ID2: variants seen among roughly 807,000 people sequenced by gnomAD.
ID2 encodes the protein DNA-binding protein inhibitor ID-2.
Under a neutral mutation model 8.3 loss-of-function variants are expected in ID2, and 2 were observed. The observed-to-expected ratio is 0.24, with a 90% CI of 0.10 to 0.76. The LOEUF is 0.76. ID2 is among the 30% of genes least tolerant of loss of function. The pLI is 0.73. For missense variants in ID2, 155 were observed against 167.0 expected (o/e 0.93, Z 0.40); for synonymous variants, 112 against 72.3 (o/e 1.55, Z -2.79).
Position 8,684,422 on chromosome 2 carries a change from A to G in ID2, c.*745A>G, listed in dbSNP as rs56050726. 5.9e-5 allele frequency: 9 copies of G among 152,356 alleles called. No individual in the cohort carries two copies. Among genetic ancestry groups the G allele is most frequent in the East Asian group, 1.9e-4 (1 of 5,172 alleles). The allele number at this position is 152,356 out of a possible 1,614,324, so 9.4% of individuals were successfully genotyped here. On this transcript the variant is annotated 3_prime_UTR_variant, in exon 3 of 3. Transcript: ENST00000396290. ...ACAAGTTCAAATTTATGTAGACTGT[A>G]TAAGATTATAATAAAACATGTCTGA...
Position 8,683,826 on chromosome 2 carries a change from A to C in ID2, c.*149A>C, listed in dbSNP as rs938086943. On this transcript the variant is annotated 3_prime_UTR_variant, in exon 3 of 3. Transcript: ENST00000396290. ...TTTTTAAAAAGAAAAAAAAAATGGA[A>C]GGAAAACTAAGAATGATCATCTTCC... 6.6e-6 allele frequency: 1 copy of C among 152,232 alleles called. No individual in the cohort carries two copies. Among genetic ancestry groups the C allele is most frequent in the Non-Finnish European group, 1.5e-5 (1 of 67,836 alleles). The allele number at this position is 152,232 out of a possible 1,614,324, so 9.4% of individuals were successfully genotyped here.
Position 8,682,747 on chromosome 2 carries a change from C to A in ID2, c.349-96C>A, listed in dbSNP as rs536056805. On this transcript the variant is annotated intron_variant, in intron 1 of 2. Transcript: ENST00000396290. ...CCATAAACGTGTTTAATGGAACTTG[C>A]TGGTCTGTGGACTACAAAAAAAAAA... 6 of 944,098 alleles carry A rather than the reference C, an allele frequency of 6.4e-6. No individual in the cohort carries two copies. The Admixed American group carries it at 1.2e-4, about 20-fold the overall frequency. The allele number at this position is 944,098 out of a possible 1,614,324, so 58.5% of individuals were successfully genotyped here.
rs1301353993 is a variant in ID2, at chr2:8,684,011, C to T, written c.*334C>T. ...ATTGCCCAATCTAAGCAGACTTTGC[C>T]TTTTTTCAAAGGTGGAGCGTGAATA... On this transcript the variant is annotated 3_prime_UTR_variant, in exon 3 of 3. Transcript: ENST00000396290. The T allele has an allele frequency of 6.6e-6, 1 of 152,410 alleles. No individual in the cohort carries two copies. The highest frequency in any genetic ancestry group is 1.5e-5 in the Non-Finnish European group (1 of 68,032). The allele number at this position is 152,410 out of a possible 1,614,324, so 9.4% of individuals were successfully genotyped here. A position where few individuals can be genotyped will look rare whatever the true frequency, so the allele number is the denominator to read the frequency against.
In ID2 at chr2:8,682,216, C is replaced by G. The variant is rs1173999536; in HGVS notation, c.51C>G (p.Asp17Glu). ...VRSVRKNSLS[D>E]HSLGISRSKT... The stretch of plus-strand genomic sequence containing the variant: ...CCGTTAGGAAAAACAGCCTGTCGGA[C>G]CACAGCCTGGGCATCTCCCGGAGCA... Residue 17 changes from aspartate to glutamate, a missense_variant, in exon 1 of 3, where the codon GAC becomes GAG. Coordinates refer to ENST00000396290, the MANE Select transcript of ID2 (RefSeq NM_002166.5). 1.9e-6 allele frequency: 3 copies of G among 1,613,906 alleles called. No homozygotes were observed. Among genetic ancestry groups the G allele is most frequent in the East Asian group, 2.2e-5 (1 of 44,888 alleles).
In ID2 at chr2:8,682,197, G is replaced by A. The variant is rs778965603; in HGVS notation, c.32G>A (p.Arg11Lys). The A allele has an allele frequency of 6.2e-7, 1 of 1,613,752 alleles. No homozygotes were observed. Among genetic ancestry groups the A allele is most frequent in the African/African-American group, 1.3e-5 (1 of 74,922 alleles). The change falls in exon 1 of 3, where the codon AGG (arginine) becomes AAG (lysine). Residue 11 changes from arginine to lysine, a missense_variant. By Grantham distance (26) the Arg-to-Lys change is conservative (BLOSUM62 2). Around this residue, in one of 3 missense-constraint regions of ID2, gnomAD observed 73 missense variants for 72.2 expected, o/e 1.01. Coordinates refer to ENST00000396290, the MANE Select transcript of ID2 (RefSeq NM_002166.5). Reference sequence around the variant, plus strand: ...GCCTTCAGTCCCGTGAGGTCCGTTAGGAAAAACAGCCTGTCGGACCACAGC... The same window carrying A: ...GCCTTCAGTCCCGTGAGGTCCGTTAAGAAAAACAGCCTGTCGGACCACAGC... MKAFSPVRSVRKNSLSDHSLG... is the reference protein window; with the variant it reads MKAFSPVRSVKKNSLSDHSLG...
In ID2 at chr2:8,682,480, C is replaced by T. The variant is rs775057112; in HGVS notation, c.315C>T (p.Thr105=). The T allele has an allele frequency of 2.5e-6, 4 of 1,613,288 alleles. No individual in the cohort carries two copies. The highest frequency in any genetic ancestry group is 2.2e-5 in the East Asian group (1 of 44,890). ...AGGCGTCCAGGACGCCGCTGACCAC[C>T]CTCAACACGGATATCAGCATCCTGT... The part of the protein sequence containing the change: ...QNQASRTPLT[T]LNTDISILSL... Residue 105 remains threonine (T), a synonymous_variant, in exon 1 of 3, where the codon ACC becomes ACT. Coordinates refer to ENST00000396290, the MANE Select transcript of ID2 (RefSeq NM_002166.5).
chr2:8,682,953 G>C (rs1662129472), intron 2 of ID2, 47 bp downstream of exon 2: 2 of 1,403,782 alleles, frequency 1.4e-6, no homozygotes, highest in Admixed American at 1.7e-5. Context: ...CCCTCGGTGT[G>C]TGTGCGCGCG....
intron 1 of ID2, 129 bp from the exon 2 acceptor site, chr2:8,682,714 A>T (rs1161855763): frequency 1.3e-6 from 1 of 797,344 alleles, no homozygotes; most frequent in African/African-American, 1.7e-5. Context: ...TTTAAATCTG[A>T]ATTGTTACCA....
chr2:8,682,780 A>C lies in ID2; in HGVS notation c.349-63A>C, dbSNP rs1400671387. 3.2e-5 allele frequency: 41 copies of C among 1,263,912 alleles called. 1 individual carries two copies. Among genetic ancestry groups the C allele is most frequent in the Non-Finnish European group, 3.6e-5 (32 of 885,934 alleles). The allele number at this position is 1,263,912 out of a possible 1,614,324, so 78.3% of individuals were successfully genotyped here. A position where few individuals can be genotyped will look rare whatever the true frequency, so the allele number is the denominator to read the frequency against. On this transcript the variant is annotated intron_variant, in intron 1 of 2. Transcript: ENST00000396290. ...TGGACTACAAAAAAAAAAAAAAAAA[A>C]AAAAAAACCCTTTCTACTTAACATT...
At position 8,682,991 on chromosome 2, in the gene ID2, A is replaced by G. The variant is rs769109978; in HGVS notation, c.*7+85A>G. On this transcript the variant is annotated intron_variant, in intron 2 of 2. Transcript: ENST00000396290. ...CGCATGTGTTTTTGCTTGTGTATCT[A>G]TAAAATGTCTGATTTGGTAAATGCA... The G allele has an allele frequency of 6.6e-5, 65 of 992,296 alleles. 1 individual carries two copies. The Middle Eastern group carries it at 1.4e-3, about 22-fold the overall frequency. The allele number at this position is 992,296 out of a possible 1,614,324, so 61.5% of individuals were successfully genotyped here. A position where few individuals can be genotyped will look rare whatever the true frequency, so the allele number is the denominator to read the frequency against.
Position 8,682,480 on chromosome 2 carries a change from C to G in ID2, c.315C>G (p.Thr105=), listed in dbSNP as rs775057112. ...QNQASRTPLT[T]LNTDISILSL... ...AGGCGTCCAGGACGCCGCTGACCAC[C>G]CTCAACACGGATATCAGCATCCTGT... Residue 105 remains threonine, a synonymous_variant, in exon 1 of 3, where the codon ACC becomes ACG. Transcript: ENST00000396290. 4 of 1,613,288 alleles carry G rather than the reference C, an allele frequency of 2.5e-6. No homozygotes were observed. The highest frequency in any genetic ancestry group is 3.3e-5 in the Admixed American group (2 of 59,996).
intron 1 of ID2, 35 bp from the exon 2 acceptor site, chr2:8,682,808 C>G: frequency 7.5e-7 from 1 of 1,328,220 alleles, no homozygotes; most frequent in Non-Finnish European, 1.1e-6. Flanking sequence ...TTAACATTGT[C>G]TTAACCTCGT....
In ID2 at chr2:8,682,076, CCAAGCGCAG is replaced by C. The variant is rs1490613702; in HGVS notation, c.-88_-80del. 2 of 1,053,792 alleles carry C rather than the reference CCAAGCGCAG, an allele frequency of 1.9e-6. No individual in the cohort carries two copies. The highest frequency in any genetic ancestry group is 2.8e-6 in the Non-Finnish European group (2 of 714,644). 65.3% of individuals were successfully genotyped at this position (1,053,792 alleles called of 1,614,324 possible). On this transcript the variant is annotated 5_prime_UTR_variant, in exon 1 of 3. Transcript: ENST00000396290. ...GCTTCATTCTGAGCCGAGCCCGGTG[CCAAGCGCAG>C]CTAGCTCAGCAGGCGGCAGCGGCGG... is the stretch of plus-strand genomic sequence containing the variant.
Position 8,682,105 on chromosome 2 carries a change from C to A in ID2, c.-61C>A. Reference sequence around the variant, plus strand: ...GCGCAGCTAGCTCAGCAGGCGGCAGCGGCGGCCTGAGCTTCAGGGCAGCCA... The same window carrying A: ...GCGCAGCTAGCTCAGCAGGCGGCAGAGGCGGCCTGAGCTTCAGGGCAGCCA... On this transcript the variant is annotated 5_prime_UTR_variant, in exon 1 of 3. Transcript: ENST00000396290. 1 of 1,360,646 alleles carries A rather than the reference C, an allele frequency of 7.3e-7. No individual in the cohort carries two copies. The highest frequency in any genetic ancestry group is 1.0e-6 in the Non-Finnish European group (1 of 972,820). 84.3% of individuals were successfully genotyped at this position (1,360,646 alleles called of 1,614,324 possible).
At position 8,682,827 on chromosome 2, in the gene ID2, T is replaced by A; in HGVS notation, c.349-16T>A. On this transcript the variant is annotated splice_polypyrimidine_tract_variant and intron_variant, in intron 1 of 2. Transcript: ENST00000396290. ...CATTGTCTTAACCTCGTACTCTTTA[T>A]CCTCTTTCTTTCCAGGCTTCTGAAT... 6.3e-7 allele frequency: 1 copy of A among 1,587,800 alleles called. No homozygotes were observed. Among genetic ancestry groups the A allele is most frequent in the Non-Finnish European group, 8.6e-7 (1 of 1,156,580 alleles).
intron 1 of ID2, 44 bp downstream of exon 1, chr2:8,682,557 C>G (rs758169687): frequency 2.8e-6 from 4 of 1,452,956 alleles, no homozygotes; most frequent in Non-Finnish European, 2.9e-6. Flanking sequence ...CGCACACTCC[C>G]GCGGTCGTCT....
chr2:8,683,893 G>GA lies in ID2; in HGVS notation c.*221dup, dbSNP rs1285212823. 3 of 152,492 alleles carry GA rather than the reference G, an allele frequency of 2.0e-5. No individual in the cohort carries two copies. The highest frequency in any genetic ancestry group is 4.4e-5 in the Non-Finnish European group (3 of 68,028). The allele number at this position is 152,492 out of a possible 1,614,324, so 9.4% of individuals were successfully genotyped here. A position where few individuals can be genotyped will look rare whatever the true frequency, so the allele number is the denominator to read the frequency against. On this transcript the variant is annotated 3_prime_UTR_variant, in exon 3 of 3. Transcript: ENST00000396290. Reference sequence around the variant, plus strand: ...TTGGACTGTGATATTCGTTATTTATGAAAAAGACTTTTAAATGCCCTTTCT... The same window carrying GA: ...TTGGACTGTGATATTCGTTATTTATGAAAAAAGACTTTTAAATGCCCTTTCT...
In ID2 at chr2:8,682,208, C is replaced by T. The variant is rs766304565; in HGVS notation, c.43C>T (p.Leu15=). The change falls in exon 1 of 3, where the codon CTG becomes TTG. Residue 15 remains leucine, a synonymous_variant. Transcript: ENST00000396290. ...SPVRSVRKNS[L]SDHSLGISRS... is the part of the protein sequence containing the mutation. ...CGTGAGGTCCGTTAGGAAAAACAGCCTGTCGGACCACAGCCTGGGCATCTC... is the reference window on the plus strand; with the variant it reads ...CGTGAGGTCCGTTAGGAAAAACAGCTTGTCGGACCACAGCCTGGGCATCTC... 48 of 1,613,874 alleles carry T rather than the reference C, an allele frequency of 3.0e-5. No homozygotes were observed. The highest frequency in any genetic ancestry group is 3.3e-4 in the Middle Eastern group (2 of 6,084).
At position 8,682,500 on chromosome 2, in the gene ID2, T is replaced by A; in HGVS notation, c.335T>A (p.Ile112Asn). 2 of 1,612,550 alleles carry A rather than the reference T, an allele frequency of 1.2e-6. No individual in the cohort carries two copies. The highest frequency in any genetic ancestry group is 1.7e-6 in the Non-Finnish European group (2 of 1,179,578). ...PLTTLNTDIS[I>N]LSLQASEFPS... ...ACCACCCTCAACACGGATATCAGCA[T>A]CCTGTCCTTGCAGGTAAGACCTGCT... Residue 112 changes from isoleucine (I) to asparagine (N), a missense_variant, in exon 1 of 3, where the codon ATC (isoleucine) becomes AAC (asparagine). By Grantham distance (149) the Ile-to-Asn change is moderately radical. This residue lies in a region of ID2 where 75 missense variants were observed against 72.2 expected (regional missense o/e 1.04). Transcript: ENST00000396290.
Sources: allele counts gnomAD v4.1 joint callset, GRCh38; gene constraint gnomAD v4.1.1; regional missense constraint gnomAD v4.1.1; transcripts MANE v1.5; gene names NCBI Gene and HGNC (gene_info 2026-07-23, HGNC 2026-07-21).